Variants in CENPP observed in about 807,000 individuals in gnomAD.
CENPP encodes the protein centromere protein P.
In CENPP, 24 loss-of-function variants were observed where a neutral mutation model predicts 35.6. That is an observed-to-expected ratio of 0.67 (90% CI 0.49 to 0.95). The LOEUF is 0.95. Among genes scored for constraint, CENPP ranks in the 40% least tolerant of loss-of-function variants. The pLI is 0.00. For synonymous variants in CENPP, 120 were observed against 125.5 expected (o/e 0.96, Z 0.29); for missense variants, 332 against 345.3 (o/e 0.96, Z 0.31).
chr9:92,533,087 A>G (rs541087020), intron 5 of CENPP, among the ~76,000 whole-genome samples: 2 of 151,734 alleles, frequency 1.3e-5, no homozygotes, highest in East Asian at 3.9e-4. Flanking sequence ...TCACAAGGTC[A>G]GGAGTTTGAG....
intron 5 of CENPP, among the ~76,000 whole-genome samples, chr9:92,583,605 T>C (rs1024469915): frequency 1.3e-5 from 2 of 152,168 alleles, no homozygotes; most frequent in African/African-American, 4.8e-5. Context: ...TCTGAATATG[T>C]GCTTAAATTA....
chr9:92,433,592 G>GT (rs1844172404), intron 5 of CENPP, among the ~76,000 whole-genome samples: 1 of 152,152 alleles, frequency 6.6e-6, no homozygotes, highest in Non-Finnish European at 1.5e-5. Flanking sequence ...CATCTGAAAT[G>GT]TTTTATAAAT....
chr9:92,515,266 C>T, intron 5 of CENPP: 2 of 1,395,242 alleles, frequency 1.4e-6, no homozygotes, highest in East Asian at 2.5e-5. Flanking sequence ...AAGAAAAAAC[C>T]ATAATGAAAA....
chr9:92,361,644 TA>T (rs1841755227), intron 4 of CENPP, among the ~76,000 whole-genome samples: 1 of 150,634 alleles, frequency 6.6e-6, no homozygotes, highest in African/African-American at 2.4e-5. Context: ...CACGCACAGC[TA>T]ATTTTTTTGT....
chr9:92,531,294 A>G (rs1046612701), intron 5 of CENPP, among the ~76,000 whole-genome samples: 1 of 152,198 alleles, frequency 6.6e-6, no homozygotes, highest in African/African-American at 2.4e-5. Flanking sequence ...AGAGATTACC[A>G]CATACATCCT....
At chr9:92,507,000 C>T (rs1156304786) in intron 5 of CENPP, among the ~76,000 whole-genome samples, 6 of 152,244 alleles carry the variant, frequency 3.9e-5, no homozygotes, top group East Asian at 3.9e-4. Context: ...CTCCGCCTCC[C>T]GGGTTCAAGC....
intron 5 of CENPP, chr9:92,496,109 G>T (rs1846331579): frequency 3.3e-6 from 4 of 1,198,452 alleles, no homozygotes; most frequent in Non-Finnish European, 4.1e-6. Context: ...GAAACTGAGA[G>T]ATTTTACCTT....
intron 4 of CENPP, among the ~76,000 whole-genome samples, chr9:92,351,626 A>T (rs1841446802): frequency 6.6e-6 from 1 of 152,104 alleles, no homozygotes; most frequent in African/African-American, 2.4e-5. Context: ...AAGTAGAATC[A>T]TACAGTATTT....
At position 92,419,299 on chromosome 9, in the gene CENPP, C is replaced by CTT. The variant is rs34582930; in HGVS notation, c.564+39458_564+39459dup. Among the ~76,000 whole-genome samples, 158 of 117,088 alleles carry CTT rather than the reference C, an allele frequency of 1.3e-3. 2 individuals are homozygous for CTT. Among genetic ancestry groups the CTT allele is most frequent in the Middle Eastern group, 4.6e-3 (1 of 216 alleles). The allele number at this position is 117,088 out of a possible 152,430, so 76.8% of individuals were successfully genotyped here. On this transcript the variant is annotated intron_variant, in intron 5 of 7. Coordinates refer to ENST00000375587, the MANE Select transcript of CENPP (RefSeq NM_001012267.3). Reference sequence around the variant, plus strand: ...GCTTATCTTGTATGTTGCCTTGTGTCTTTTTTTTTTTTTTTTTTTGAGATG... The same window carrying CTT: ...GCTTATCTTGTATGTTGCCTTGTGTCTTTTTTTTTTTTTTTTTTTTTGAGATG...
chr9:92,445,332 G>A (rs1588134219), intron 5 of CENPP, among the ~76,000 whole-genome samples: 1 of 152,196 alleles, frequency 6.6e-6, no homozygotes, highest in East Asian at 1.9e-4. Flanking sequence ...TTCCCCTTGA[G>A]CCTAGCATCT....
intron 4 of CENPP, among the ~76,000 whole-genome samples, chr9:92,362,589 T>C (rs1169252552): frequency 6.6e-6 from 1 of 152,234 alleles, no homozygotes; most frequent in Non-Finnish European, 1.5e-5. Context: ...ATTTCTCCAC[T>C]ATATGATAAC....
rs758697815 is a variant in CENPP, at chr9:92,325,975, C to T, written c.-24C>T. 1.9e-6 allele frequency: 3 copies of T among 1,539,544 alleles called. No individual in the cohort carries two copies. The highest frequency in any genetic ancestry group is 2.8e-5 in the African/African-American group (2 of 72,550). ...GTCGGAGTGACAGCTGCGCTGCCGG[C>T]CCGGCTGCGGTCAGCAACGCGCCAT... On this transcript the variant is annotated 5_prime_UTR_variant, in exon 1 of 8. Coordinates refer to ENST00000375587, the MANE Select transcript of CENPP (RefSeq NM_001012267.3).
At chr9:92,355,075 G>A (rs1222715008) in intron 4 of CENPP, among the ~76,000 whole-genome samples, 1 of 152,186 alleles carries the variant, frequency 6.6e-6, no homozygotes, top group Non-Finnish European at 1.5e-5. Context: ...ATGTTCAGCG[G>A]TGCACATATT....
chr9:92,371,334 A>AT (rs1292724178), intron 4 of CENPP, among the ~76,000 whole-genome samples: 1 of 152,022 alleles, frequency 6.6e-6, no homozygotes, highest in African/African-American at 2.4e-5. Context: ...ATTTCAAGGA[A>AT]TTTTTTTATT....
intron 5 of CENPP, among the ~76,000 whole-genome samples, chr9:92,509,579 T>C (rs2296665): frequency 0.88 from 134,254 of 152,200 alleles, 59,314 homozygotes; most frequent in East Asian, 0.95. Context: ...ACAAAACACA[T>C]GGCAGTGCAG....
intron 5 of CENPP, among the ~76,000 whole-genome samples, chr9:92,401,851 G>A (rs1843126205): frequency 6.6e-6 from 1 of 152,034 alleles, no homozygotes; most frequent in Non-Finnish European, 1.5e-5. Flanking sequence ...AGATTACAGT[G>A]TATTATGTGG....
At chr9:92,561,833 GCTGCCAGATGC>G (rs992721740) in intron 5 of CENPP, among the ~76,000 whole-genome samples, 20 of 152,278 alleles carry the variant, frequency 1.3e-4, no homozygotes, top group African/African-American at 4.3e-4. Flanking sequence ...GCACCTACTG[GCTGCCAGATGC>G]CTGGTTCTTT....
At position 92,514,863 on chromosome 9, in the gene CENPP, AT is replaced by A; in HGVS notation, c.565-96450del. Reference sequence around the variant, plus strand: ...CACCCTCCTCACCCTCCTCCTCCTCATCCTCCTCCTCCTCCCTTCCTTGGCG... The same window carrying A: ...CACCCTCCTCACCCTCCTCCTCCTCACCTCCTCCTCCTCCCTTCCTTGGCG... On this transcript the variant is annotated intron_variant, in intron 5 of 7. Transcript: ENST00000375587. 1.9e-6 allele frequency: 3 copies of A among 1,608,214 alleles called. No individual in the cohort carries two copies. In the South Asian group the frequency reaches 3.3e-5, roughly 18 times the overall value.
chr9:92,602,834 A>G (rs1850959655), intron 5 of CENPP, among the ~76,000 whole-genome samples: 1 of 150,170 alleles, frequency 6.7e-6, no homozygotes, highest in Non-Finnish European at 1.5e-5. Flanking sequence ...TTCAAATTAA[A>G]CTTTTTTTTT....
Sources: allele counts gnomAD v4.1 joint callset (sites outside exome capture counted in the v4.1 genomes callset), GRCh38; gene constraint gnomAD v4.1.1; transcripts MANE v1.5; gene names NCBI Gene and HGNC (gene_info 2026-07-23, HGNC 2026-07-21).